The following ADGB variants were observed in gnomAD, a reference collection of about 807,000 sequenced individuals.
The protein encoded by ADGB is calpain-7-like protein.
ADGB carries 172 observed loss-of-function variants against 210.5 expected under a neutral mutation model. The observed-to-expected ratio is 0.82, with a 90% CI of 0.72 to 0.93. The LOEUF (loss-of-function observed/expected upper bound fraction) is 0.93. ADGB is among the 40% of genes least tolerant of loss of function. ADGB has a pLI of 0.00. For synonymous variants in ADGB, 658 were observed against 662.7 expected, an observed-to-expected ratio of 0.99 and a Z score of 0.11; for missense variants, 2,025 against 1,964.8, an observed-to-expected ratio of 1.03 and a Z score of -0.58.
chr6:146,735,853 T>A lies in ADGB; in HGVS notation c.2795-645T>A, dbSNP rs1343503734. ...GGCAATGTTACATATTTTGGCCTTA[T>A]AGCAGTCAATGAAACAGACAAGGTT... On this transcript the variant is annotated intron_variant, in intron 22 of 35. Transcript: ENST00000397944. 2.0e-5 allele frequency among the ~76,000 whole-genome samples: 3 copies of A among 152,226 alleles called. No individual in the cohort carries two copies. In the East Asian group the frequency reaches 5.8e-4, roughly 29 times the overall value.
rs960520420 is a variant in ADGB at position 146,717,193 on chromosome 6, A to G, written c.1928+124A>G. The G allele has an allele frequency of 6.5e-6, 5 of 766,274 alleles. No homozygotes were observed. In the Admixed American group the frequency reaches 9.9e-5, roughly 15 times the overall value. The allele number at this position is 766,274 out of a possible 1,614,324, so 47.5% of individuals were successfully genotyped here. ...TAATATAGTGGTTATATAACCTATT[A>G]ATTCTTAGCATCATCCAAAATAAGC... is the stretch of plus-strand genomic sequence containing the variant. On this transcript the variant is annotated intron_variant, in intron 15 of 35. Coordinates refer to ENST00000397944, the MANE Select transcript of ADGB (RefSeq NM_024694.4).
intron 26 of ADGB, among the ~76,000 whole-genome samples, chr6:146,749,201 C>T (rs969543507): frequency 3.3e-5 from 5 of 152,138 alleles, no homozygotes; most frequent in Non-Finnish European, 7.4e-5. Context: ...GGGAGAAGCT[C>T]ATTTGCAAGG....
chr6:146,746,899 G>C (rs986055137), intron 26 of ADGB, among the ~76,000 whole-genome samples: 1 of 151,876 alleles, frequency 6.6e-6, no homozygotes, highest in East Asian at 1.9e-4. Context: ...ATTTCCTCTT[G>C]TCCCATGTGT....
intron 2 of ADGB, among the ~76,000 whole-genome samples, chr6:146,642,685 C>T (rs1211384221): frequency 1.3e-5 from 2 of 151,934 alleles, no homozygotes; most frequent in Non-Finnish European, 2.9e-5. Flanking sequence ...CACACATTCT[C>T]ACTTCTAAGT....
intron 32 of ADGB, among the ~76,000 whole-genome samples, chr6:146,786,603 T>G: frequency 6.6e-6 from 1 of 152,320 alleles, no homozygotes; most frequent in Admixed American, 6.5e-5. Flanking sequence ...TATGTATTAC[T>G]TAGTCTACTC....
At chr6:146,687,703 A>G (rs1360530219) in intron 10 of ADGB, among the ~76,000 whole-genome samples, 1 of 152,018 alleles carries the variant, frequency 6.6e-6, no homozygotes, top group Admixed American at 6.6e-5. Flanking sequence ...GCAAACCACC[A>G]TGGCACACAT....
chr6:146,655,997 G>A (rs553208487), intron 4 of ADGB, among the ~76,000 whole-genome samples: 24 of 152,162 alleles, frequency 1.6e-4, no homozygotes, highest in African/African-American at 5.3e-4. Flanking sequence ...CACCCACTGT[G>A]ACCTAGAGAT....
chr6:146,701,616 C>T, intron 13 of ADGB, among the ~76,000 whole-genome samples: 1 of 152,002 alleles, frequency 6.6e-6, no homozygotes, highest in Admixed American at 6.6e-5. Flanking sequence ...TCTTTAGTTT[C>T]AGGGTTCATA....
Position 146,654,139 on chromosome 6 carries a change from C to A in ADGB, c.335C>A (p.Pro112Gln). 1 of 1,527,724 alleles carries A rather than the reference C, an allele frequency of 6.5e-7. No individual in the cohort carries two copies. Among genetic ancestry groups the A allele is most frequent in the Non-Finnish European group, 8.9e-7 (1 of 1,128,156 alleles). 94.6% of individuals were successfully genotyped at this position (1,527,724 alleles called of 1,614,324 possible). ...RPQDILFSQTPVVVKNEITFD... is the reference protein window; with the variant it reads ...RPQDILFSQTQVVVKNEITFD... Reference sequence around the variant, plus strand: ...ATACATATATATTTTTTTCAGACTCCAGTAGTTGTGAAAAATGAAATCACG... The same window carrying A: ...ATACATATATATTTTTTTCAGACTCAAGTAGTTGTGAAAAATGAAATCACG... Residue 112 changes from proline (P) to glutamine (Q), a missense_variant, in exon 4 of 36, where the codon CCA becomes CAA. By Grantham distance (76) the Pro-to-Gln change is moderately conservative (BLOSUM62 -1). Coordinates refer to ENST00000397944, the MANE Select transcript of ADGB (RefSeq NM_024694.4).
chr6:146,656,829 T>G lies in ADGB; in HGVS notation c.461T>G (p.Ile154Ser), dbSNP rs2114885450. The G allele has an allele frequency of 6.4e-7, 1 of 1,551,444 alleles. No homozygotes were observed. The highest frequency in any genetic ancestry group is 1.4e-5 in the African/African-American group (1 of 73,142). ...YAVWKIFNGG[I>S]LSNYFKGTSG... ...GTGTGGAAGATCTTCAATGGAGGAA[T>G]TTTGAGCAATTATTTTAAGGGGACT... Residue 154 changes from isoleucine (I) to serine (S), a missense_variant, in exon 5 of 36, where the codon ATT becomes AGT. Physicochemically the swap from Ile to Ser is moderately radical, Grantham distance 142. Transcript: ENST00000397944.
intron 2 of ADGB, among the ~76,000 whole-genome samples, chr6:146,638,614 G>A (rs1319158929): frequency 2.0e-5 from 2 of 97,954 alleles, no homozygotes; most frequent in Non-Finnish European, 4.8e-5. Context: ...TGGGGTGGGG[G>A]GGGGGGGGAG....
intron 27 of ADGB, among the ~76,000 whole-genome samples, chr6:146,757,816 A>C (rs1420879373): frequency 6.6e-6 from 1 of 152,066 alleles, no homozygotes; most frequent in African/African-American, 2.4e-5. Flanking sequence ...CCTTACAGGA[A>C]GGCTGTCTTC....
chr6:146,733,096 A>G, intron 20 of ADGB, 24 bp from the exon 21 acceptor site: 1 of 1,425,904 alleles, frequency 7.0e-7, no homozygotes, highest in Non-Finnish European at 9.2e-7. Flanking sequence ...TTTTCTTGCT[A>G]TAAAAAAAAT....
At position 146,763,860 on chromosome 6, in the gene ADGB, A is replaced by G. The variant is rs7770421; in HGVS notation, c.3551-41A>G. ...GATTTAGTCAGTAATAACTATGTAT[A>G]TCACATATTTTAACTTTAACTTAGT... On this transcript the variant is annotated intron_variant, in intron 27 of 35. Coordinates refer to ENST00000397944, the MANE Select transcript of ADGB (RefSeq NM_024694.4). 7,361 of 1,483,046 alleles carry G rather than the reference A, an allele frequency of 5.0e-3. 293 individuals are homozygous for G. The African/African-American group carries it at 0.088, about 18-fold the overall frequency. 91.9% of individuals were successfully genotyped at this position (1,483,046 alleles called of 1,614,324 possible).
chr6:146,672,634 A>C (rs1776025934), intron 8 of ADGB, among the ~76,000 whole-genome samples, 167 bp downstream of exon 8: 1 of 152,178 alleles, frequency 6.6e-6, no homozygotes, highest in African/African-American at 2.4e-5. Context: ...GAATGAAGTA[A>C]GAAGAGATAG....
chr6:146,748,459 G>A (rs1227574980), intron 26 of ADGB, among the ~76,000 whole-genome samples: 1 of 152,150 alleles, frequency 6.6e-6, no homozygotes, highest in African/African-American at 2.4e-5. Context: ...GAGAGAACCT[G>A]TTTCGTGACT....
At chr6:146,653,279 T>A (rs368285776) in intron 3 of ADGB, among the ~76,000 whole-genome samples, 18 of 152,020 alleles carry the variant, frequency 1.2e-4, no homozygotes, top group African/African-American at 3.9e-4. Context: ...CATTACATAT[T>A]ACAATGGAAT....
intron 7 of ADGB, among the ~76,000 whole-genome samples, chr6:146,667,379 G>C (rs570087336): frequency 6.6e-6 from 1 of 152,160 alleles, no homozygotes; most frequent in African/African-American, 2.4e-5. Flanking sequence ...AGGGTCCAAA[G>C]CTGTCTTCAG....
At chr6:146,657,646 G>A (rs1249570677) in intron 5 of ADGB, among the ~76,000 whole-genome samples, 1 of 152,118 alleles carries the variant, frequency 6.6e-6, no homozygotes, top group African/African-American at 2.4e-5. Flanking sequence ...TGGATGCACC[G>A]GGCTTCCACC....
Sources: allele counts gnomAD v4.1 joint callset (sites outside exome capture counted in the v4.1 genomes callset), GRCh38; gene constraint gnomAD v4.1.1; transcripts MANE v1.5; gene names NCBI Gene and HGNC (gene_info 2026-07-23, HGNC 2026-07-21).